The following LINGO2 variants were observed in gnomAD, a reference collection of about 807,000 sequenced individuals.
LINGO2 encodes the protein leucine rich repeat and Ig domain containing 2, also known as leucine-rich repeat and immunoglobulin-like domain-containing nogo receptor-interacting protein 2.
In LINGO2, 14 loss-of-function variants were observed where a neutral mutation model predicts 30.6. The observed-to-expected ratio is 0.46, with a 90% confidence interval of 0.30 to 0.72. The LOEUF (loss-of-function observed/expected upper bound fraction) is 0.72. Among genes scored for constraint, LINGO2 ranks in the 30% least tolerant of loss-of-function variants. The probability of loss-of-function intolerance (pLI) is 0.07; values close to 1 mark genes in which losing one functional copy is unlikely to be tolerated. For synonymous variants in LINGO2, 317 were observed against 288.5 expected, an observed-to-expected ratio of 1.10 and a Z score of -1.00; for missense variants, 729 against 751.7, an observed-to-expected ratio of 0.97 and a Z score of 0.35.
chr9:28,653,764 A>G (rs1211398324), intron 1 of LINGO2, among the ~76,000 whole-genome samples: 1 of 151,882 alleles, frequency 6.6e-6, no homozygotes, highest in African/African-American at 2.4e-5. Context: ...TTTTTTGCTG[A>G]TCTTTATTCT....
chr9:29,206,193 CT>C, the LINGO2 span, among the ~76,000 whole-genome samples: 1 of 152,138 alleles, frequency 6.6e-6, no homozygotes, highest in Non-Finnish European at 1.5e-5. Context: ...TTGTCTATTT[CT>C]TCTTGTGTGT....
intron 1 of LINGO2, among the ~76,000 whole-genome samples, chr9:28,538,302 G>A (rs1821520956): frequency 6.6e-6 from 1 of 151,950 alleles, no homozygotes; most frequent in South Asian, 2.1e-4. Context: ...TATTGATAAT[G>A]ATGAATTCTG....
intron 4 of LINGO2, among the ~76,000 whole-genome samples, chr9:28,211,611 T>TTTAAAAAGTTTAAAAGTTATAA (rs1462948690): frequency 6.6e-6 from 1 of 151,526 alleles, no homozygotes; most frequent in Non-Finnish European, 1.5e-5. Context: ...AGTTATATCT[T>TTTAAAAAGTTTAAAAGTTATAA]CTGCAAACTT....
chr9:29,118,086 C>A, the LINGO2 span, among the ~76,000 whole-genome samples: 2 of 152,030 alleles, frequency 1.3e-5, no homozygotes, highest in African/African-American at 4.8e-5. Flanking sequence ...GGCCACAAAA[C>A]AAACATCAAA....
intron 1 of LINGO2, among the ~76,000 whole-genome samples, chr9:28,618,533 C>T (rs943794532): frequency 2.6e-5 from 4 of 152,132 alleles, no homozygotes; most frequent in Non-Finnish European, 5.9e-5. Context: ...GCTTATAACT[C>T]TCTAGTGATT....
At chr9:28,494,936 T>G (rs1160947657) in intron 1 of LINGO2, among the ~76,000 whole-genome samples, 1 of 152,232 alleles carries the variant, frequency 6.6e-6, no homozygotes. Flanking sequence ...GGTATCACAC[T>G]GTGGTTTTGA....
At chr9:28,769,514 ATATATTTTTTTTTTTTTTTTTT>A in the LINGO2 span, among the ~76,000 whole-genome samples, 1 of 2,014 alleles carries the variant, frequency 5.0e-4, no homozygotes, top group African/African-American at 1.4e-3. Flanking sequence ...ATATATATAT[ATATATTTTTTTTTTTTTTTTTT>A]TTTTTTTTTA....
At chr9:28,498,273 A>C (rs1178319567) in intron 1 of LINGO2, among the ~76,000 whole-genome samples, 2 of 152,198 alleles carry the variant, frequency 1.3e-5, no homozygotes, top group African/African-American at 2.4e-5. Context: ...CTACAGAGGC[A>C]GGCAGGCCTC....
chr9:29,105,534 T>C, the LINGO2 span, among the ~76,000 whole-genome samples: 1 of 152,174 alleles, frequency 6.6e-6, no homozygotes, highest in Non-Finnish European at 1.5e-5. Flanking sequence ...ATAGACCGTG[T>C]CCTTTGTTAC....
intron 4 of LINGO2, among the ~76,000 whole-genome samples, chr9:28,159,837 A>T (rs1303562247): frequency 6.6e-6 from 1 of 152,320 alleles, no homozygotes; most frequent in East Asian, 1.9e-4. Flanking sequence ...GATTGAATAT[A>T]GTTCCTTTGC....
At chr9:28,341,040 G>C (rs553810071) in intron 3 of LINGO2, among the ~76,000 whole-genome samples, 21 of 152,090 alleles carry the variant, frequency 1.4e-4, no homozygotes, top group African/African-American at 4.8e-4. Flanking sequence ...AAAAAACTAA[G>C]GCAAGCAAGG....
At chr9:28,722,070 C>T in the LINGO2 span, among the ~76,000 whole-genome samples, 1 of 151,996 alleles carries the variant, frequency 6.6e-6, no homozygotes, top group Non-Finnish European at 1.5e-5. Context: ...AAATGAAATT[C>T]TGCATAATAG....
chr9:28,745,040 A>G, the LINGO2 span, among the ~76,000 whole-genome samples: 4 of 152,056 alleles, frequency 2.6e-5, no homozygotes, highest in South Asian at 6.2e-4. Flanking sequence ...TAGGTTTTCA[A>G]ACTTTATCAT....
intron 3 of LINGO2, among the ~76,000 whole-genome samples, chr9:28,371,212 C>G (rs547453746): frequency 6.6e-6 from 1 of 152,274 alleles, no homozygotes; most frequent in South Asian, 2.1e-4. Context: ...CTATGGAGTA[C>G]AGTGTGGAGA....
chr9:27,998,014 A>G (rs1367574567), intron 5 of LINGO2, among the ~76,000 whole-genome samples: 1 of 152,150 alleles, frequency 6.6e-6, no homozygotes, highest in African/African-American at 2.4e-5. Context: ...GAAAATTATA[A>G]TATTTTAGTT....
chr9:28,182,032 C>G (rs926643121), intron 4 of LINGO2, among the ~76,000 whole-genome samples: 1 of 152,024 alleles, frequency 6.6e-6, no homozygotes, highest in Non-Finnish European at 1.5e-5. Context: ...AAGAACAAAG[C>G]TGGAGGCATC....
At chr9:29,053,033 TGA>T in the LINGO2 span, among the ~76,000 whole-genome samples, 1 of 152,194 alleles carries the variant, frequency 6.6e-6, no homozygotes, top group African/African-American at 2.4e-5. Flanking sequence ...TTCATCTGTA[TGA>T]GTTTTTATTT....
chr9:28,175,299 G>A (rs1478485246), intron 4 of LINGO2, among the ~76,000 whole-genome samples: 1 of 152,022 alleles, frequency 6.6e-6, no homozygotes, highest in African/African-American at 2.4e-5. Flanking sequence ...TCTTCAAGAT[G>A]CTTTCCAGGA....
intron 2 of LINGO2, among the ~76,000 whole-genome samples, chr9:28,474,287 A>G (rs1298842586): frequency 1.3e-5 from 2 of 152,178 alleles, no homozygotes; most frequent in African/African-American, 4.8e-5. Flanking sequence ...GGAGGCCAGG[A>G]TCCACCTTTA....
Sources: allele counts gnomAD v4.1 joint callset (sites outside exome capture counted in the v4.1 genomes callset), GRCh38; gene constraint gnomAD v4.1.1; transcripts MANE v1.5; gene names NCBI Gene and HGNC (gene_info 2026-07-23, HGNC 2026-07-21).